DPF3: variants seen among roughly 807,000 people sequenced by gnomAD.
The protein encoded by DPF3 is double PHD fingers 3.
DPF3 carries 18 observed loss-of-function variants against 56.8 expected under a neutral mutation model. That is an observed-to-expected ratio of 0.32 (90% CI 0.22 to 0.47). DPF3 has a LOEUF of 0.47. DPF3 is among the 20% of genes least tolerant of loss of function. The pLI, the probability that DPF3 is intolerant of heterozygous loss-of-function variation, is 1.00. For synonymous variants in DPF3, 188 were observed against 180.2 expected, an observed-to-expected ratio of 1.04 and a Z score of -0.35; for missense variants, 403 against 488.8, an observed-to-expected ratio of 0.82 and a Z score of 1.65.
At chr14:72,862,393 G>A (rs1272966401) in intron 1 of DPF3, among the ~76,000 whole-genome samples, 3 of 152,042 alleles carry the variant, frequency 2.0e-5, no homozygotes, top group African/African-American at 7.2e-5. Context: ...CTCTCTTGTT[G>A]TCACATCCTA....
At chr14:72,783,005 G>A (rs1892048165) in intron 1 of DPF3, among the ~76,000 whole-genome samples, 1 of 151,978 alleles carries the variant, frequency 6.6e-6, no homozygotes, top group African/African-American at 2.4e-5. Context: ...CTTCCCCGCT[G>A]GGCTCCATCC....
At chr14:72,646,411 G>A (rs1411182733) in intron 8 of DPF3, among the ~76,000 whole-genome samples, 1 of 152,204 alleles carries the variant, frequency 6.6e-6, no homozygotes, top group Non-Finnish European at 1.5e-5. Flanking sequence ...CATCGCCAGT[G>A]CACTGCCTTT....
rs528857632 is a variant in DPF3 at position 72,791,378 on chromosome 14, T to C, written c.33-19485A>G. Reference sequence around the variant, plus strand: ...ACCAGGCCCTTCTTTGCTGCCAGGGTTTGTTCTCTGTCTCCAAGACCTATA... The same window carrying C: ...ACCAGGCCCTTCTTTGCTGCCAGGGCTTGTTCTCTGTCTCCAAGACCTATA... On this transcript the variant is annotated intron_variant, in intron 1 of 10. Coordinates refer to ENST00000556509, the MANE Select transcript of DPF3 (RefSeq NM_001280542.3). Among the ~76,000 whole-genome samples the C allele has an allele frequency of 2.0e-5, 3 of 152,172 alleles. No individual in the cohort carries two copies. In the East Asian group the frequency reaches 5.8e-4, roughly 29 times the overall value.
At chr14:72,827,488 C>CTTTTTTTTTTT (rs1182260007) in intron 1 of DPF3, among the ~76,000 whole-genome samples, 2 of 78,282 alleles carry the variant, frequency 2.6e-5, no homozygotes, top group African/African-American at 1.1e-4. Flanking sequence ...TCCCTTTACT[C>CTTTTTTTTTTT]TTTTTTTTTT....
chr14:72,761,698 CAG>C (rs913292532), intron 2 of DPF3, among the ~76,000 whole-genome samples: 13 of 151,478 alleles, frequency 8.6e-5, no homozygotes, highest in African/African-American at 3.1e-4. Flanking sequence ...AAATAAGAAA[CAG>C]AAGAGCAAAT....
chr14:72,738,588 G>T (rs535578703), intron 3 of DPF3, among the ~76,000 whole-genome samples: 1 of 152,266 alleles, frequency 6.6e-6, no homozygotes, highest in Non-Finnish European at 1.5e-5. Context: ...CGGGGAGGGT[G>T]GTGGGAGTGG....
intron 8 of DPF3, among the ~76,000 whole-genome samples, chr14:72,654,865 G>A (rs1886019540): frequency 6.6e-6 from 1 of 152,118 alleles, no homozygotes; most frequent in Non-Finnish European, 1.5e-5. Flanking sequence ...TAACTGGAGG[G>A]TCATTATACA....
Position 72,756,918 on chromosome 14 carries a change from G to GAAAGAA in DPF3, c.194-3553_194-3548dup, listed in dbSNP as rs1555504024. Among the ~76,000 whole-genome samples the GAAAGAA allele has an allele frequency of 1.8e-3, 246 of 136,444 alleles. 4 individuals carry two copies. Among genetic ancestry groups the GAAAGAA allele is most frequent in the African/African-American group, 7.0e-3 (224 of 31,910 alleles). 89.5% of individuals were successfully genotyped at this position (136,444 alleles called of 152,430 possible). On this transcript the variant is annotated intron_variant, in intron 2 of 10. Coordinates refer to ENST00000556509, the MANE Select transcript of DPF3 (RefSeq NM_001280542.3). Reference sequence around the variant, plus strand: ...GAAAGAAAAGAAAAAAAGAAAGAAAGAAAGAAAGAAAGAAGAGAAGAGAAG... The same window carrying GAAAGAA: ...GAAAGAAAAGAAAAAAAGAAAGAAAGAAAGAAAAAGAAAGAAAGAAGAGAAGAGAAG...
At chr14:72,646,405 G>T (rs1290742649) in intron 8 of DPF3, among the ~76,000 whole-genome samples, 1 of 152,136 alleles carries the variant, frequency 6.6e-6, no homozygotes, top group Admixed American at 6.5e-5. Flanking sequence ...CCTCAGCATC[G>T]CCAGTGCACT....
At chr14:72,738,214 AG>A (rs1889979559) in intron 3 of DPF3, among the ~76,000 whole-genome samples, 1 of 151,978 alleles carries the variant, frequency 6.6e-6, no homozygotes, top group Non-Finnish European at 1.5e-5. Context: ...CTCATTCCCT[AG>A]GGGTGCCACT....
At chr14:72,624,669 A>G (rs994178096) in intron 9 of DPF3, among the ~76,000 whole-genome samples, 18 of 152,118 alleles carry the variant, frequency 1.2e-4, no homozygotes, top group African/African-American at 4.3e-4. Flanking sequence ...CAGGGATCCA[A>G]TCCAAGATCC....
chr14:72,612,663 C>A lies in DPF3; in HGVS notation c.*6634G>T. The A allele has an allele frequency of 2.0e-6, 1 of 512,060 alleles. No homozygotes were observed. The highest frequency in any genetic ancestry group is 3.9e-6 in the Non-Finnish European group (1 of 254,962). The allele number at this position is 512,060 out of a possible 1,614,324, so 31.7% of individuals were successfully genotyped here. A position where few individuals can be genotyped will look rare whatever the true frequency, so the allele number is the denominator to read the frequency against. ...TAGACATGGAAGGGCAAACCAAGTC[C>A]GTATAAACCACAAACCCCATTCTAG... On this transcript the variant is annotated 3_prime_UTR_variant, in exon 11 of 11. Coordinates refer to ENST00000556509, the MANE Select transcript of DPF3 (RefSeq NM_001280542.3).
At chr14:72,649,630 A>C (rs190257579) in intron 8 of DPF3, among the ~76,000 whole-genome samples, 2 of 126,586 alleles carry the variant, frequency 1.6e-5, no homozygotes, top group African/African-American at 6.1e-5. Context: ...TAAAAGATGC[A>C]GAAACTCAAT....
intron 1 of DPF3, among the ~76,000 whole-genome samples, chr14:72,852,356 C>T (rs1885017195): frequency 6.6e-6 from 1 of 152,202 alleles, no homozygotes; most frequent in Admixed American, 6.5e-5. Context: ...TTTAGTAAAA[C>T]AACCCGTAGG....
chr14:72,882,195 A>G (rs766001065), intron 1 of DPF3, among the ~76,000 whole-genome samples: 2 of 152,248 alleles, frequency 1.3e-5, no homozygotes, highest in Non-Finnish European at 2.9e-5. Flanking sequence ...GAAAAGACAG[A>G]AAAGATCCTC....
intron 6 of DPF3, among the ~76,000 whole-genome samples, chr14:72,706,327 G>T (rs183904439): frequency 2.0e-5 from 3 of 152,140 alleles, no homozygotes; most frequent in African/African-American, 7.2e-5. Flanking sequence ...ACCACTCCCT[G>T]CCCTGTTCCT....
chr14:72,693,008 A>G, intron 7 of DPF3, 68 bp downstream of exon 7: 1 of 1,595,042 alleles, frequency 6.3e-7, no homozygotes, highest in Non-Finnish European at 8.5e-7. Flanking sequence ...AGAAAAAGGA[A>G]CAAGGAACGC....
At chr14:72,846,646 TTG>T (rs57732169) in intron 1 of DPF3, among the ~76,000 whole-genome samples, 88,326 of 151,718 alleles carry the variant, frequency 0.58, 26,535 homozygotes, top group East Asian at 0.88. Flanking sequence ...TAGGATAGTC[TTG>T]AACTCCTGGC....
intron 1 of DPF3, among the ~76,000 whole-genome samples, chr14:72,860,587 A>G (rs1885357501): frequency 7.3e-6 from 1 of 137,120 alleles, no homozygotes; most frequent in South Asian, 2.3e-4. Flanking sequence ...TTTTCTGAGA[A>G]AGAGTCTCAC....
Sources: gnomAD v4.1 joint callset for allele counts (sites outside exome capture counted in the v4.1 genomes callset) on GRCh38, gnomAD v4.1.1 for gene constraint, MANE v1.5 for transcripts, NCBI Gene and HGNC (gene_info 2026-07-23, HGNC 2026-07-21) for gene names.